CNR1: variants seen among roughly 807,000 people sequenced by gnomAD.
CNR1 encodes the protein cannabinoid receptor 1.
Under a neutral mutation model 23.0 loss-of-function variants are expected in CNR1, and 10 were observed. The ratio of observed to expected loss-of-function variants is 0.43; its 90% CI spans 0.27 to 0.74. CNR1 has a LOEUF of 0.74. Ranked by LOEUF, CNR1 falls within the 30% of genes least tolerant of loss-of-function variation. The probability of loss-of-function intolerance (pLI) is 0.19; values close to 1 mark genes in which losing one functional copy is unlikely to be tolerated. For synonymous variants in CNR1, 271 were observed against 255.2 expected (o/e 1.06, Z -0.59); for missense variants, 422 against 618.8 (o/e 0.68, Z 3.37).
Position 88,144,815 on chromosome 6 carries a change from G to T in CNR1, c.460C>A (p.His154Asn). ...SRSLRCRPSY[H>N]FIGSLAVADL... ...GCCACCGCCAGGCTGCCGATGAAGT[G>T]GTAGGAAGGCCTGCAGCGGAGGCTG... The change falls in exon 2 of 2, where the codon CAC becomes AAC. Residue 154 changes from histidine (H) to asparagine (N), a missense_variant. Around this residue, in one of 4 missense-constraint regions of CNR1, gnomAD observed 211 missense variants for 357.3 expected, o/e 0.59. Coordinates refer to ENST00000369501, the MANE Select transcript of CNR1 (RefSeq NM_016083.6). The surrounding 1 kb of genome is among the most constrained non-coding windows in gnomAD (Gnocchi z 7.8). The T allele has an allele frequency of 3.1e-6, 5 of 1,614,200 alleles. No individual in the cohort carries two copies. The highest frequency in any genetic ancestry group is 4.2e-6 in the Non-Finnish European group (5 of 1,180,018).
intron 1 of CNR1, among the ~76,000 whole-genome samples, chr6:88,163,890 A>T (rs999659485): frequency 1.3e-4 from 20 of 152,210 alleles, no homozygotes; most frequent in African/African-American, 3.9e-4. Context: ...GACAGAGAGG[A>T]ACATGGTCCA....
intron 1 of CNR1, among the ~76,000 whole-genome samples, chr6:88,158,605 G>C (rs1354551107): frequency 6.6e-6 from 1 of 152,164 alleles, no homozygotes; most frequent in East Asian, 1.9e-4. Flanking sequence ...CTCTAGGGTT[G>C]GGGTGCATCT....
rs1776881246 is a variant in CNR1, at chr6:88,142,552, T to G, written c.*1304A>C. Reference sequence around the variant, plus strand: ...TCTTGTGTAATACCTAAAGGTCAATTTAGTAATACTTGATCCAATCTCTTA... The same window carrying G: ...TCTTGTGTAATACCTAAAGGTCAATGTAGTAATACTTGATCCAATCTCTTA... On this transcript the variant is annotated 3_prime_UTR_variant, in exon 2 of 2. Transcript: ENST00000369501. 6.6e-6 allele frequency: 1 copy of G among 152,372 alleles called. No homozygotes were observed. 9.4% of individuals were successfully genotyped at this position (152,372 alleles called of 1,614,324 possible). A position where few individuals can be genotyped will look rare whatever the true frequency, so the allele number is the denominator to read the frequency against.
intron 1 of CNR1, among the ~76,000 whole-genome samples, chr6:88,150,528 C>G (rs1012140186): frequency 1.3e-5 from 2 of 152,114 alleles, no homozygotes; most frequent in African/African-American, 4.8e-5. Context: ...GTTCCATATT[C>G]GTATATAAAA....
chr6:88,143,676 G>A lies in CNR1; in HGVS notation c.*180C>T. On this transcript the variant is annotated 3_prime_UTR_variant, in exon 2 of 2. Coordinates refer to ENST00000369501, the MANE Select transcript of CNR1 (RefSeq NM_016083.6). Reference sequence around the variant, plus strand: ...TCTTCACTGTAAACCCCTGGAGAATGGAGTTTGAGTACCTAAACTATGGAA... The same window carrying A: ...TCTTCACTGTAAACCCCTGGAGAATAGAGTTTGAGTACCTAAACTATGGAA... 6.7e-6 allele frequency: 4 copies of A among 595,564 alleles called. No homozygotes were observed. Among genetic ancestry groups the A allele is most frequent in the Non-Finnish European group, 1.2e-5 (4 of 336,504 alleles). The allele number at this position is 595,564 out of a possible 1,614,324, so 36.9% of individuals were successfully genotyped here.
At chr6:88,166,907 G>A (rs1778393293), upstream of CNR1, among the ~76,000 whole-genome samples, 1 of 151,872 alleles carries the variant, frequency 6.6e-6, no homozygotes, top group Non-Finnish European at 1.5e-5. Flanking sequence ...CAGCGAGCTG[G>A]GCCCGGGGCC....
chr6:88,160,545 C>T (rs1009965953), intron 1 of CNR1, among the ~76,000 whole-genome samples: 1 of 151,348 alleles, frequency 6.6e-6, no homozygotes, highest in Non-Finnish European at 1.5e-5. Flanking sequence ...AGCAATTCTC[C>T]CACTTCAACC....
At chr6:88,146,123 T>C (rs1181395168) in intron 1 of CNR1, among the ~76,000 whole-genome samples, 2 of 152,030 alleles carry the variant, frequency 1.3e-5, no homozygotes, top group Admixed American at 6.6e-5. Context: ...TTCTTTCTTT[T>C]TGATACAGAG....
In CNR1 at chr6:88,145,185, G is replaced by C; in HGVS notation, c.90C>G (p.Tyr30Ter). The C allele has an allele frequency of 6.2e-7, 1 of 1,614,086 alleles. No individual in the cohort carries two copies. Among genetic ancestry groups the C allele is most frequent in the Non-Finnish European group, 8.5e-7 (1 of 1,180,014 alleles). Residue 30 changes from tyrosine (Y) to a stop codon, truncating the protein, a stop_gained, in exon 2 of 2, where the codon TAC becomes TAG. Coordinates refer to ENST00000369501, the MANE Select transcript of CNR1 (RefSeq NM_016083.6). LOFTEE classifies it high-confidence loss of function. ...ATGCCATGTCACCTTTGATGTCTTCGTACTGAATGTCATTTGAGCCCACGT... is the reference window on the plus strand; with the variant it reads ...ATGCCATGTCACCTTTGATGTCTTCCTACTGAATGTCATTTGAGCCCACGT... ...LLYVGSNDIQYEDIKGDMASK... is the reference protein window; with the variant it reads ...LLYVGSNDIQ
intron 1 of CNR1, among the ~76,000 whole-genome samples, chr6:88,151,610 TATC>T (rs1232501854): frequency 6.6e-6 from 1 of 151,984 alleles, no homozygotes; most frequent in East Asian, 1.9e-4. Context: ...GTATTATTAT[TATC>T]ATTACTTAGT....
At chr6:88,152,102 A>T (rs760062579) in intron 1 of CNR1, among the ~76,000 whole-genome samples, 1 of 151,936 alleles carries the variant, frequency 6.6e-6, no homozygotes, top group African/African-American at 2.4e-5. Flanking sequence ...GGATTCTTAG[A>T]AATGTGGGAG....
intron 1 of CNR1, among the ~76,000 whole-genome samples, chr6:88,145,766 G>C (rs903463832): frequency 2.0e-5 from 3 of 152,224 alleles, no homozygotes; most frequent in African/African-American, 4.8e-5. Flanking sequence ...GAGCACTGAT[G>C]TGTCACATGA....
intron 1 of CNR1, among the ~76,000 whole-genome samples, chr6:88,147,228 C>T (rs185257718): frequency 1.3e-5 from 2 of 152,350 alleles, no homozygotes; most frequent in East Asian, 3.9e-4. Flanking sequence ...AGGAGAATCG[C>T]TTGAACCCGG....
chr6:88,152,729 T>C (rs1777594883), intron 1 of CNR1, among the ~76,000 whole-genome samples: 1 of 152,228 alleles, frequency 6.6e-6, no homozygotes, highest in Admixed American at 6.5e-5. Context: ...GGAAAACTGC[T>C]CTCTGCATTT....
At chr6:88,160,247 T>C (rs1306517593) in intron 1 of CNR1, among the ~76,000 whole-genome samples, 5 of 152,064 alleles carry the variant, frequency 3.3e-5, no homozygotes, top group African/African-American at 4.8e-5. Context: ...GCCGAGATTG[T>C]GCCATTGCAC....
At chr6:88,146,261 A>G (rs1777179043) in intron 1 of CNR1, among the ~76,000 whole-genome samples, 1 of 152,074 alleles carries the variant, frequency 6.6e-6, no homozygotes, top group South Asian at 2.1e-4. Flanking sequence ...GCGCACCACC[A>G]TGCCCGGCTA....
Position 88,141,677 on chromosome 6 carries a change from A to G in CNR1, c.*2179T>C, listed in dbSNP as rs1348237265. On this transcript the variant is annotated 3_prime_UTR_variant, in exon 2 of 2. Transcript: ENST00000369501. ...TAGAAAGAGATCTTACTAATCCTCT[A>G]GCACCCTGAGCCTTCATCTGCACAT... The G allele has an allele frequency of 1.3e-5, 2 of 152,386 alleles. No individual in the cohort carries two copies. Among genetic ancestry groups the G allele is most frequent in the African/African-American group, 4.8e-5 (2 of 41,460 alleles). The allele number at this position is 152,386 out of a possible 1,614,324, so 9.4% of individuals were successfully genotyped here. A position where few individuals can be genotyped will look rare whatever the true frequency, so the allele number is the denominator to read the frequency against.
chr6:88,163,714 G>A (rs1251449135), intron 1 of CNR1, among the ~76,000 whole-genome samples: 1 of 152,210 alleles, frequency 6.6e-6, no homozygotes, highest in Admixed American at 6.5e-5. Context: ...TTTTGGAAGA[G>A]GCTGAAATAT....
intron 1 of CNR1, among the ~76,000 whole-genome samples, chr6:88,146,250 T>G (rs1037509440): frequency 1.3e-5 from 2 of 152,166 alleles, no homozygotes; most frequent in Non-Finnish European, 1.5e-5. Context: ...GGACTACAGG[T>G]GCGCACCACC....
Sources: gnomAD v4.1 joint callset for allele counts (sites outside exome capture counted in the v4.1 genomes callset) on GRCh38, gnomAD v4.1.1 for gene constraint, gnomAD v4.1.1 regional missense constraint, Gnocchi (gnomAD v3.1) non-coding constraint, MANE v1.5 for transcripts, NCBI Gene and HGNC (gene_info 2026-07-23, HGNC 2026-07-21) for gene names.